MRO: variants seen among roughly 807,000 people sequenced by gnomAD.
MRO encodes protein maestro.
Under a neutral mutation model 31.0 loss-of-function variants are expected in MRO, and 28 were observed. The observed-to-expected ratio is 0.90, with a 90% confidence interval of 0.67 to 1.24. The LOEUF is 1.24. Among genes scored for constraint, MRO ranks in the 50% most tolerant of loss-of-function variants. The probability of loss-of-function intolerance (pLI) is 0.00; values close to 1 mark genes in which losing one functional copy is unlikely to be tolerated. For synonymous variants in MRO, 108 were observed against 108.4 expected (o/e 1.00, Z 0.02); for missense variants, 332 against 289.2 (o/e 1.15, Z -1.07).
At chr18:50,815,182 C>A in intron 2 of MRO, 1 of 193,544 alleles carries the variant, frequency 5.2e-6, no homozygotes, top group South Asian at 1.1e-4. Context: ...TCAGATATAC[C>A]ACGCCATTAA....
rs1044612815 is a variant in MRO at position 50,805,227 on chromosome 18, C to T, written c.356G>A (p.Gly119Asp). 1 of 1,614,036 alleles carries T rather than the reference C, an allele frequency of 6.2e-7. No individual in the cohort carries two copies. The highest frequency in any genetic ancestry group is 8.5e-7 in the Non-Finnish European group (1 of 1,179,948). Residue 119 changes from glycine (G) to aspartate (D), a missense_variant, in exon 5 of 8, where the codon GGC (glycine) becomes GAC (aspartate). Coordinates refer to ENST00000398439, the MANE Select transcript of MRO (RefSeq NM_031939.6). ...ACCCAAACCTTTCCCCTGGATCTTG[C>T]CCAGAACGACGGTCAGAGTCTTCAT... ...ESMKTLTVVL[G>D]KIQGKGLGSF...
chr18:50,812,713 G>A (rs1284522175), intron 2 of MRO, among the ~76,000 whole-genome samples: 1 of 152,126 alleles, frequency 6.6e-6, no homozygotes, highest in East Asian at 1.9e-4. Context: ...GGGTTCAACT[G>A]CATTAGAACC....
intron 2 of MRO, among the ~76,000 whole-genome samples, chr18:50,817,584 G>A (rs1430390065): frequency 6.6e-6 from 1 of 152,194 alleles, no homozygotes; most frequent in Non-Finnish European, 1.5e-5. Flanking sequence ...TCGGGCCTGA[G>A]CATTGCACTT....
intron 3 of MRO, 95 bp from the exon 4 acceptor site, chr18:50,806,945 G>T: frequency 2.3e-6 from 3 of 1,288,546 alleles, no homozygotes; most frequent in Non-Finnish European, 3.3e-6. Context: ...TCCCGTGATT[G>T]CCTGCTCAAT....
At chr18:50,815,034 T>TG (rs1203530320) in intron 2 of MRO, 1 of 163,214 alleles carries the variant, frequency 6.1e-6, no homozygotes, top group African/African-American at 2.4e-5. Context: ...GTTCTCCAGC[T>TG]GGGTGATAGA....
chr18:50,810,000 CTG>C (rs1914328965), intron 2 of MRO, among the ~76,000 whole-genome samples: 1 of 152,192 alleles, frequency 6.6e-6, no homozygotes, highest in African/African-American at 2.4e-5. Context: ...GGGTTTTGCT[CTG>C]TCTCCCAGGC....
At chr18:50,813,586 T>C (rs1045612156) in intron 2 of MRO, among the ~76,000 whole-genome samples, 1 of 152,188 alleles carries the variant, frequency 6.6e-6, no homozygotes, top group Non-Finnish European at 1.5e-5. Flanking sequence ...ATGTGGCTGG[T>C]TTGGTGACCA....
intron 4 of MRO, among the ~76,000 whole-genome samples, chr18:50,806,321 C>G (rs1034967283): frequency 4.6e-5 from 7 of 152,110 alleles, no homozygotes; most frequent in African/African-American, 1.7e-4. Flanking sequence ...GACAGAGTGG[C>G]CTGTAGGCAT....
intron 3 of MRO, among the ~76,000 whole-genome samples, chr18:50,808,483 G>A (rs1478588634): frequency 6.9e-6 from 1 of 144,344 alleles, no homozygotes; most frequent in Admixed American, 7.1e-5. Flanking sequence ...ATTTAAGACA[G>A]CGTCTCGCTC....
intron 2 of MRO, among the ~76,000 whole-genome samples, chr18:50,815,948 C>G (rs1192875016): frequency 6.6e-6 from 1 of 152,090 alleles, no homozygotes; most frequent in East Asian, 1.9e-4. Context: ...GCACGAGAAT[C>G]GCTTGAACCC....
rs1236152300 is a variant in MRO at position 50,815,533 on chromosome 18, T to A, written c.-5+4048A>T. On this transcript the variant is annotated intron_variant, in intron 2 of 7. Coordinates refer to ENST00000398439, the MANE Select transcript of MRO (RefSeq NM_031939.6). ...ACCAAGGTAGTGGATATGGTGGCAG[T>A]GGTGGATGATATGATGGTTACATTG... The A allele has an allele frequency of 2.3e-5, 7 of 309,414 alleles. No homozygotes were observed. In the East Asian group the frequency reaches 5.8e-4, roughly 26 times the overall value. The allele number at this position is 309,414 out of a possible 1,614,324, so 19.2% of individuals were successfully genotyped here.
At chr18:50,800,319 C>T (rs994203122) in intron 6 of MRO, among the ~76,000 whole-genome samples, 176 bp from the exon 7 acceptor site, 1 of 152,136 alleles carries the variant, frequency 6.6e-6, no homozygotes, top group Non-Finnish European at 1.5e-5. Flanking sequence ...ATAAAATGGC[C>T]ATGTCTATAA....
chr18:50,804,989 A>C (rs1599016094), intron 5 of MRO, among the ~76,000 whole-genome samples, 165 bp downstream of exon 5: 1 of 151,164 alleles, frequency 6.6e-6, no homozygotes, highest in East Asian at 2.0e-4. Flanking sequence ...ATAGGGTTTC[A>C]CCATGTTGGC....
intron 6 of MRO, 38 bp downstream of exon 6, chr18:50,801,311 G>C (rs1281267769): frequency 6.6e-7 from 1 of 1,519,596 alleles, no homozygotes; most frequent in Non-Finnish European, 8.9e-7. Flanking sequence ...GAATAGCATG[G>C]AGATGTCACT....
rs1913022884 is a variant in MRO at position 50,798,932 on chromosome 18, C to CAAAACAACAACAAAA, written c.*404_*405insTTTTGTTGTTGTTTT. 6.6e-6 allele frequency: 1 copy of CAAAACAACAACAAAA among 152,298 alleles called. No individual in the cohort carries two copies. 9.4% of individuals were successfully genotyped at this position (152,298 alleles called of 1,614,324 possible). A position where few individuals can be genotyped will look rare whatever the true frequency, so the allele number is the denominator to read the frequency against. ...CTAAAAAAAAACAAAACAACAACAA[C>CAAAACAACAACAAAA]AAAAAAACAAAAAAACGCTTAAGGT... On this transcript the variant is annotated 3_prime_UTR_variant, in exon 8 of 8. Transcript: ENST00000398439.
intron 6 of MRO, among the ~76,000 whole-genome samples, chr18:50,801,128 A>T (rs893191512): frequency 1.3e-5 from 2 of 152,132 alleles, no homozygotes; most frequent in African/African-American, 4.8e-5. Context: ...TTGCATTGAC[A>T]GGTGCTGGGC....
intron 2 of MRO, among the ~76,000 whole-genome samples, chr18:50,810,531 C>T (rs1456807150): frequency 4.6e-5 from 7 of 152,112 alleles, no homozygotes; most frequent in Non-Finnish European, 7.3e-5. Flanking sequence ...GCTGGAAATC[C>T]GAGGAACTGA....
intron 4 of MRO, 52 bp downstream of exon 4, chr18:50,806,652 A>C: frequency 1.2e-6 from 2 of 1,607,822 alleles, no homozygotes; most frequent in Admixed American, 1.7e-5. Context: ...CTCCACACCA[A>C]GGTGGTTGGA....
At chr18:50,811,329 GC>G (rs548284831) in intron 2 of MRO, among the ~76,000 whole-genome samples, 170 of 152,228 alleles carry the variant, frequency 1.1e-3, no homozygotes, top group African/African-American at 1.8e-3. Flanking sequence ...CCAAAAGAAA[GC>G]CCTGCACCCA....
Sources: allele counts gnomAD v4.1 joint callset (sites outside exome capture counted in the v4.1 genomes callset), GRCh38; gene constraint gnomAD v4.1.1; transcripts MANE v1.5; gene names NCBI Gene and HGNC (gene_info 2026-07-23, HGNC 2026-07-21).